TAS2R1: variants seen among roughly 807,000 people sequenced by gnomAD.
TAS2R1 encodes taste receptor type 2 member 1.
For missense variants in TAS2R1, 370 were observed against 353.4 expected (o/e 1.05, Z -0.38); for synonymous variants, 141 against 134.2 (o/e 1.05, Z -0.35).
At chr5:9,753,928 C>T in the TAS2R1 span, among the ~76,000 whole-genome samples, 1 of 152,062 alleles carries the variant, frequency 6.6e-6, no homozygotes, top group Non-Finnish European at 1.5e-5. Flanking sequence ...GGTACCAGTA[C>T]CATGCTGTTT....
At chr5:9,794,921 T>A in the TAS2R1 span, among the ~76,000 whole-genome samples, 1 of 152,172 alleles carries the variant, frequency 6.6e-6, no homozygotes, top group Non-Finnish European at 1.5e-5. Context: ...ATAATTTCAG[T>A]ATTTGGGTTT....
chr5:9,857,920 A>T, the TAS2R1 span, among the ~76,000 whole-genome samples: 1 of 152,174 alleles, frequency 6.6e-6, no homozygotes, highest in South Asian at 2.1e-4. Context: ...TTGGGTCAGC[A>T]GGTGAGCAGA....
chr5:9,813,963 G>A, the TAS2R1 span, among the ~76,000 whole-genome samples: 1 of 151,996 alleles, frequency 6.6e-6, no homozygotes, highest in African/African-American at 2.4e-5. Flanking sequence ...GGTTACCTTA[G>A]CTCCTCTATT....
intron 1 of TAS2R1, among the ~76,000 whole-genome samples, chr5:9,696,727 C>A (rs1224924227): frequency 6.6e-6 from 1 of 151,992 alleles, no homozygotes; most frequent in Non-Finnish European, 1.5e-5. Flanking sequence ...TAAAGAAATT[C>A]GCAAGGCCGG....
chr5:9,777,514 A>G, the TAS2R1 span, among the ~76,000 whole-genome samples: 1 of 152,338 alleles, frequency 6.6e-6, no homozygotes, highest in Admixed American at 6.5e-5. Flanking sequence ...CATATCTGCC[A>G]TTACTTCCTT....
the TAS2R1 span, among the ~76,000 whole-genome samples, chr5:9,890,480 T>TC: frequency 1.6e-3 from 245 of 152,246 alleles, no homozygotes; most frequent in African/African-American, 5.6e-3. Flanking sequence ...TTATCTTTTC[T>TC]CCTCCCCAGC....
intron 1 of TAS2R1, among the ~76,000 whole-genome samples, chr5:9,690,288 T>C (rs1288364032): frequency 1.3e-5 from 2 of 152,184 alleles, no homozygotes; most frequent in African/African-American, 2.4e-5. Flanking sequence ...TTTCTTAATA[T>C]ACACATTTGG....
chr5:9,629,022 G>A lies in TAS2R1; in HGVS notation c.*111C>T. On this transcript the variant is annotated 3_prime_UTR_variant, in exon 1 of 1. Transcript: ENST00000382492. ...CTCAGGCTGGATAAACAGGCCTGAA[G>A]GGGACATGTTGTATATTTATGAACA... The A allele has an allele frequency of 8.6e-7, 1 of 1,162,424 alleles. No individual in the cohort carries two copies. Among genetic ancestry groups the A allele is most frequent in the Non-Finnish European group, 1.2e-6 (1 of 847,350 alleles). The allele number at this position is 1,162,424 out of a possible 1,614,324, so 72.0% of individuals were successfully genotyped here. A position where few individuals can be genotyped will look rare whatever the true frequency, so the allele number is the denominator to read the frequency against.
chr5:9,651,324 G>A (rs1740301700), intron 2 of TAS2R1, among the ~76,000 whole-genome samples: 1 of 152,088 alleles, frequency 6.6e-6, no homozygotes, highest in Non-Finnish European at 1.5e-5. Flanking sequence ...AAATGATGGG[G>A]TAATTATTTA....
chr5:9,829,071 T>C, the TAS2R1 span, among the ~76,000 whole-genome samples: 1 of 152,286 alleles, frequency 6.6e-6, no homozygotes, highest in South Asian at 2.1e-4. Flanking sequence ...CAACAATTGA[T>C]AAAGAACCTC....
At chr5:9,664,074 A>G (rs1323479967) in intron 1 of TAS2R1, among the ~76,000 whole-genome samples, 1 of 152,054 alleles carries the variant, frequency 6.6e-6, no homozygotes, top group Non-Finnish European at 1.5e-5. Context: ...TAAGTCATGG[A>G]AGTTTGTGGT....
chr5:9,679,711 G>A (rs1279020116), intron 1 of TAS2R1, among the ~76,000 whole-genome samples: 5 of 152,190 alleles, frequency 3.3e-5, no homozygotes, highest in African/African-American at 1.2e-4. Context: ...AATGATATAT[G>A]TGGAAAGGAA....
At chr5:9,821,304 A>G in the TAS2R1 span, among the ~76,000 whole-genome samples, 1 of 152,136 alleles carries the variant, frequency 6.6e-6, no homozygotes, top group Non-Finnish European at 1.5e-5. Flanking sequence ...CAAGCACACC[A>G]CCACCACCAC....
the TAS2R1 span, among the ~76,000 whole-genome samples, chr5:9,740,564 T>C: frequency 6.6e-6 from 1 of 152,208 alleles, no homozygotes; most frequent in Non-Finnish European, 1.5e-5. Context: ...AGCTGTGGAA[T>C]TTTTTAGTGC....
the TAS2R1 span, among the ~76,000 whole-genome samples, chr5:9,812,649 GCTCTCCTGC>G: frequency 6.6e-6 from 1 of 152,086 alleles, no homozygotes; most frequent in Admixed American, 6.6e-5. Flanking sequence ...TTTCCACCAA[GCTCTCCTGC>G]CTACTCCTCT....
At position 9,678,795 on chromosome 5, in the gene TAS2R1, G is replaced by A. The variant is rs758278654; in HGVS notation, c.-241-19214C>T. On this transcript the variant is annotated intron_variant, in intron 1 of 2. Transcript: ENST00000506620. ...GGAGCCTGTTGGGGGGTTTGGGGGAGGGAGAGGATCAGGAATAATAGCCAA... is the reference window on the plus strand; with the variant it reads ...GGAGCCTGTTGGGGGGTTTGGGGGAAGGAGAGGATCAGGAATAATAGCCAA... Among the ~76,000 whole-genome samples, 164 of 152,258 alleles carry A rather than the reference G, an allele frequency of 1.1e-3. 1 individual carries two copies. Among genetic ancestry groups the A allele is most frequent in the Non-Finnish European group, 1.9e-3 (132 of 68,020 alleles).
At chr5:9,703,259 C>T (rs1741529714) in intron 1 of TAS2R1, among the ~76,000 whole-genome samples, 1 of 152,134 alleles carries the variant, frequency 6.6e-6, no homozygotes, top group Non-Finnish European at 1.5e-5. Flanking sequence ...GTCAGGAGCA[C>T]TTTCAGGTAT....
chr5:9,732,555 C>T, the TAS2R1 span, among the ~76,000 whole-genome samples: 2 of 152,008 alleles, frequency 1.3e-5, no homozygotes, highest in Non-Finnish European at 2.9e-5. Context: ...GCCAGGGTGT[C>T]CTTAGGAATT....
chr5:9,722,042 A>ATC, the TAS2R1 span, among the ~76,000 whole-genome samples: 3 of 151,808 alleles, frequency 2.0e-5, no homozygotes, highest in Admixed American at 1.3e-4. Flanking sequence ...TTCCTTATTA[A>ATC]TCTCTCTCTC....
Sources: allele counts gnomAD v4.1 joint callset (sites outside exome capture counted in the v4.1 genomes callset), GRCh38; gene constraint gnomAD v4.1.1; transcripts MANE v1.5; gene names NCBI Gene and HGNC (gene_info 2026-07-23, HGNC 2026-07-21).